FOCAD: variants seen among roughly 807,000 people sequenced by gnomAD.
FOCAD encodes KIAA1797.
In FOCAD, 198 loss-of-function variants were observed where a neutral mutation model predicts 225.6. The observed-to-expected ratio is 0.88, with a 90% CI of 0.78 to 0.99. The LOEUF (loss-of-function observed/expected upper bound fraction) is 0.99. Among genes scored for constraint, FOCAD ranks in the 50% least tolerant of loss-of-function variants. FOCAD has a pLI of 0.00. For missense variants in FOCAD, 2,713 were observed against 2,123.6 expected (o/e 1.28, Z -5.46); for synonymous variants, 897 against 755.0 (o/e 1.19, Z -3.08).
intron 35 of FOCAD, among the ~76,000 whole-genome samples, chr9:20,962,069 T>A (rs369404810): frequency 1.3e-5 from 2 of 152,134 alleles, no homozygotes; most frequent in African/African-American, 4.8e-5. Context: ...TCTATGGACT[T>A]AGTGTAGAAA....
chr9:20,844,187 C>A (rs1468116755), intron 15 of FOCAD, among the ~76,000 whole-genome samples: 1 of 151,850 alleles, frequency 6.6e-6, no homozygotes, highest in African/African-American at 2.4e-5. Flanking sequence ...TAGAAACCAC[C>A]CAGATGGCCA....
chr9:20,764,678 C>T (rs564230389), intron 6 of FOCAD, among the ~76,000 whole-genome samples, 191 bp from the exon 7 acceptor site: 1 of 152,306 alleles, frequency 6.6e-6, no homozygotes, highest in East Asian at 1.9e-4. Flanking sequence ...AATAATTTTC[C>T]TCAGTGTACA....
At chr9:20,817,621 C>T (rs1428031795) in intron 11 of FOCAD, among the ~76,000 whole-genome samples, 1 of 150,836 alleles carries the variant, frequency 6.6e-6, no homozygotes, top group African/African-American at 2.4e-5. Context: ...GCATTCTGCT[C>T]ATATAAATGA....
intron 19 of FOCAD, chr9:20,875,439 T>C (rs2131800293): frequency 6.6e-6 from 1 of 152,120 alleles, no homozygotes; most frequent in East Asian, 1.9e-4. Context: ...AGGAGTTAAA[T>C]ACAAAATTAG....
chr9:20,821,214 A>G, intron 14 of FOCAD, 143 bp downstream of exon 14: 1 of 649,124 alleles, frequency 1.5e-6, no homozygotes, highest in South Asian at 3.1e-5. Context: ...TTCTGATTAT[A>G]AAATGTAATA....
At chr9:20,690,231 T>C (rs1192913975) in intron 1 of FOCAD, among the ~76,000 whole-genome samples, 2 of 152,198 alleles carry the variant, frequency 1.3e-5, no homozygotes, top group African/African-American at 2.4e-5. Context: ...CTAGGTCTTA[T>C]TCCTTTTACC....
rs563921934 is a variant in FOCAD, at chr9:20,818,097, A to G, written c.1456-1699A>G. Among the ~76,000 whole-genome samples, 102 of 152,292 alleles carry G rather than the reference A, an allele frequency of 6.7e-4. 1 individual carries two copies. Among genetic ancestry groups the G allele is most frequent in the African/African-American group, 2.4e-3 (99 of 41,572 alleles). ...GCTTTTGCATCATGTGTAAGGTGGT[A>G]TCTCATGGTTTTGATTTGCATTCCA... On this transcript the variant is annotated intron_variant, in intron 11 of 43. Coordinates refer to ENST00000338382, the MANE Select transcript of FOCAD (RefSeq NM_001375567.1).
chr9:20,685,925 A>G (rs1268035514), intron 1 of FOCAD, among the ~76,000 whole-genome samples: 2 of 152,172 alleles, frequency 1.3e-5, no homozygotes, highest in Non-Finnish European at 2.9e-5. Flanking sequence ...ATTTTCATGG[A>G]CGTATAACCA....
chr9:20,728,641 G>C (rs542363855), intron 4 of FOCAD, among the ~76,000 whole-genome samples: 5 of 152,296 alleles, frequency 3.3e-5, no homozygotes, highest in African/African-American at 1.2e-4. Context: ...TTGTGGCTTA[G>C]TTTTGAAGTT....
intron 14 of FOCAD, 132 bp downstream of exon 14, chr9:20,821,203 T>C: frequency 1.4e-6 from 1 of 726,720 alleles, no homozygotes; most frequent in Non-Finnish European, 2.0e-6. Context: ...TAACTTAAGT[T>C]TTCTGATTAT....
intron 1 of FOCAD, among the ~76,000 whole-genome samples, chr9:20,698,189 A>G (rs904869598): frequency 3.2e-4 from 49 of 152,228 alleles, no homozygotes; most frequent in African/African-American, 1.2e-3. Context: ...TAAGTAATGT[A>G]TGCCCCATTG....
intron 5 of FOCAD, among the ~76,000 whole-genome samples, chr9:20,752,445 G>C (rs1206494638): frequency 1.3e-5 from 2 of 152,024 alleles, no homozygotes; most frequent in Admixed American, 6.6e-5. Context: ...TTTTTCTCAG[G>C]TTTGCCAAAG....
chr9:20,849,205 A>G (rs1053766056), intron 15 of FOCAD, among the ~76,000 whole-genome samples: 3 of 151,682 alleles, frequency 2.0e-5, no homozygotes, highest in East Asian at 1.9e-4. Flanking sequence ...CCTTTCCTAG[A>G]CTCCAGGACC....
chr9:20,792,403 A>G (rs1177884864), intron 11 of FOCAD, among the ~76,000 whole-genome samples: 1 of 152,222 alleles, frequency 6.6e-6, no homozygotes, highest in Non-Finnish European at 1.5e-5. Context: ...ATAAAATAGA[A>G]TATGCCAAAG....
At chr9:20,786,207 T>A (rs1031348029) in intron 10 of FOCAD, among the ~76,000 whole-genome samples, 3 of 152,198 alleles carry the variant, frequency 2.0e-5, no homozygotes, top group Admixed American at 6.6e-5. Context: ...GTGCTGAACT[T>A]GGGCGTAAAT....
intron 2 of FOCAD, among the ~76,000 whole-genome samples, chr9:20,666,985 A>G (rs1157961593): frequency 6.6e-6 from 1 of 152,250 alleles, no homozygotes; most frequent in African/African-American, 2.4e-5. Flanking sequence ...AAAAACCCAC[A>G]AAAACTACTT....
At chr9:20,767,668 G>T (rs1287599071) in intron 7 of FOCAD, among the ~76,000 whole-genome samples, 1 of 142,304 alleles carries the variant, frequency 7.0e-6, no homozygotes, top group Non-Finnish European at 1.6e-5. Context: ...TTTTTGATGG[G>T]GTTGTTTGTT....
chr9:20,673,356 C>T (rs762457855), intron 2 of FOCAD, among the ~76,000 whole-genome samples: 1 of 152,104 alleles, frequency 6.6e-6, no homozygotes, highest in Non-Finnish European at 1.5e-5. Flanking sequence ...ACTGTTTTTC[C>T]ATAACAGTGC....
chr9:20,861,289 G>C (rs1828751290), intron 15 of FOCAD, among the ~76,000 whole-genome samples: 1 of 151,940 alleles, frequency 6.6e-6, no homozygotes. Flanking sequence ...GTTTCTGTGA[G>C]TATTATGTAC....
Sources: allele counts gnomAD v4.1 joint callset (sites outside exome capture counted in the v4.1 genomes callset), GRCh38; gene constraint gnomAD v4.1.1; transcripts MANE v1.5; gene names NCBI Gene and HGNC (gene_info 2026-07-23, HGNC 2026-07-21).